The following SPDL1 variants were observed in gnomAD, a reference collection of about 807,000 sequenced individuals.
SPDL1 encodes the protein protein Spindly.
SPDL1 carries 85 observed loss-of-function variants against 79.5 expected under a neutral mutation model. The observed-to-expected ratio is 1.07, with a 90% CI of 0.90 to 1.28. The LOEUF is 1.28. SPDL1 is among the 50% of genes most tolerant of loss of function. SPDL1 has a pLI of 0.00. For synonymous variants in SPDL1, 269 were observed against 240.3 expected (o/e 1.12, Z -1.10); for missense variants, 703 against 697.8 (o/e 1.01, Z -0.08).
chr5:169,600,126 T>A (rs1039416736), intron 10 of SPDL1, among the ~76,000 whole-genome samples: 2 of 151,678 alleles, frequency 1.3e-5, no homozygotes, highest in African/African-American at 2.4e-5. Context: ...CCTAAAAGAG[T>A]GTTACATGTT....
rs1252177194 is a variant in SPDL1 at position 169,594,303 on chromosome 5, A to C, written c.681+9A>C. ...ACTATAATGCCCTAGAGGTACTATGATTACAGTAACATCATGTTTTCCAAT... is the reference window on the plus strand; with the variant it reads ...ACTATAATGCCCTAGAGGTACTATGCTTACAGTAACATCATGTTTTCCAAT... On this transcript the variant is annotated intron_variant, in intron 5 of 11. Transcript: ENST00000265295. 1 of 1,613,348 alleles carries C rather than the reference A, an allele frequency of 6.2e-7. No homozygotes were observed. The highest frequency in any genetic ancestry group is 1.7e-5 in the Admixed American group (1 of 59,874).
rs1261826121 is a variant in SPDL1 at position 169,597,531 on chromosome 5, A to C, written c.1032+830A>C. 2.6e-5 allele frequency among the ~76,000 whole-genome samples: 4 copies of C among 152,140 alleles called. No individual in the cohort carries two copies. The South Asian group carries it at 8.3e-4, about 32-fold the overall frequency. On this transcript the variant is annotated intron_variant, in intron 8 of 11. Coordinates refer to ENST00000265295, the MANE Select transcript of SPDL1 (RefSeq NM_017785.5). ...TTCCTCACTATACTTTTTATTTTTC[A>C]GTATTTTCCTGTCTATTTTTGAATG...
chr5:169,593,306 A>T, intron 3 of SPDL1, 48 bp from the exon 4 acceptor site: 1 of 1,474,820 alleles, frequency 6.8e-7, no homozygotes, highest in Non-Finnish European at 9.1e-7. Flanking sequence ...GATTGTTTTT[A>T]GAAAGAAAAT....
chr5:169,601,383 A>G lies in SPDL1; in HGVS notation c.1428A>G (p.Glu476=). 8 of 1,614,040 alleles carry G rather than the reference A, an allele frequency of 5.0e-6. No homozygotes were observed. Among genetic ancestry groups the G allele is most frequent in the Non-Finnish European group, 6.8e-6 (8 of 1,180,002 alleles). ...TCAACAACAGTGCTCTCGGGGGAGAAGTTTATCGATTACCGCCTCAGAAAG... is the reference window on the plus strand; with the variant it reads ...TCAACAACAGTGCTCTCGGGGGAGAGGTTTATCGATTACCGCCTCAGAAAG... ...ACVNNSALGG[E]VYRLPPQKEE... is the part of the protein sequence containing the mutation. The change falls in exon 11 of 12, where the codon GAA becomes GAG. Residue 476 remains glutamate (E), a synonymous_variant. Coordinates refer to ENST00000265295, the MANE Select transcript of SPDL1 (RefSeq NM_017785.5).
At position 169,601,268 on chromosome 5, in the gene SPDL1, T is replaced by G. The variant is rs773232003; in HGVS notation, c.1325-12T>G. On this transcript the variant is annotated splice_polypyrimidine_tract_variant and intron_variant, in intron 10 of 11. Coordinates refer to ENST00000265295, the MANE Select transcript of SPDL1 (RefSeq NM_017785.5). ...TAGATTTTTTCTTTTCCCCACTCGT[T>G]TTTATTCTCAGAGACAGTTGAAGTG... is the stretch of plus-strand genomic sequence containing the variant. The G allele has an allele frequency of 1.6e-5, 26 of 1,578,854 alleles. No individual in the cohort carries two copies. Among genetic ancestry groups the G allele is most frequent in the Non-Finnish European group, 2.1e-5 (25 of 1,165,758 alleles).
At chr5:169,601,793 CTA>C in intron 11 of SPDL1, 168 bp downstream of exon 11, 2 of 727,224 alleles carry the variant, frequency 2.8e-6, no homozygotes, top group Non-Finnish European at 4.9e-6. Context: ...TTAAGAAAGA[CTA>C]AACTGATTGC....
Position 169,588,407 on chromosome 5 carries a change from A to T in SPDL1, c.-10A>T, listed in dbSNP as rs1187772713. 1 of 1,590,250 alleles carries T rather than the reference A, an allele frequency of 6.3e-7. No individual in the cohort carries two copies. The highest frequency in any genetic ancestry group is 1.2e-5 in the South Asian group (1 of 86,264). On this transcript the variant is annotated 5_prime_UTR_variant, in exon 2 of 12. In the 5' UTR this introduces an upstream ATG that the reference lacks. Transcript: ENST00000265295. ...CTCTATTTACAGTTGGCTAAAAAAA[A>T]GAAAAGAACATGGAGGCAGATATAA...
intron 11 of SPDL1, among the ~76,000 whole-genome samples, chr5:169,603,762 G>A (rs1041988777): frequency 6.6e-6 from 1 of 152,126 alleles, no homozygotes. Context: ...GCTGAGGCAG[G>A]AGAATCGCTT....
chr5:169,598,495 A>C lies in SPDL1; in HGVS notation c.1052A>C (p.Glu351Ala), dbSNP rs143453400. The change falls in exon 9 of 12, where the codon GAA becomes GCA. Residue 351 changes from glutamate to alanine, a missense_variant. Physicochemically the swap from Glu to Ala is moderately radical, Grantham distance 107. Transcript: ENST00000265295. The part of the protein sequence containing the change: ...EKFKNLYDSM[E>A]SKPSVDSGTL... ...TTTAAGAATTTATATGACAGTATGG[A>C]ATCTAAGCCTTCAGTCGACTCTGGT... The C allele has an allele frequency of 6.2e-7, 1 of 1,611,962 alleles. No homozygotes were observed. The highest frequency in any genetic ancestry group is 1.1e-5 in the South Asian group (1 of 91,000).
intron 11 of SPDL1, among the ~76,000 whole-genome samples, chr5:169,602,350 A>G (rs912220163): frequency 1.3e-5 from 2 of 152,214 alleles, no homozygotes; most frequent in Admixed American, 1.3e-4. Flanking sequence ...GGAGAAGTGA[A>G]TGAGGAAATT....
Position 169,588,456 on chromosome 5 carries a change from A to C in SPDL1, c.40A>C (p.Lys14Gln), listed in dbSNP as rs760026633. ...DIITNLRCRL[K>Q]EAEEERLKAA... ...AATCACAAATCTTCGATGCAGGCTC[A>C]AAGAGGCTGAAGAAGAGCGACTAAA... is the stretch of plus-strand genomic sequence containing the variant. Residue 14 changes from lysine (K) to glutamine (Q), a missense_variant, in exon 2 of 12, where the codon AAA becomes CAA. Lys to Gln is a moderately conservative substitution (Grantham distance 53). Coordinates refer to ENST00000265295, the MANE Select transcript of SPDL1 (RefSeq NM_017785.5). The C allele has an allele frequency of 2.5e-6, 4 of 1,613,616 alleles. No individual in the cohort carries two copies. In the East Asian group the frequency reaches 8.9e-5, roughly 36 times the overall value.
Position 169,604,275 on chromosome 5 carries a change from T to C in SPDL1, c.*68T>C. The C allele has an allele frequency of 2.2e-6, 3 of 1,384,592 alleles. No individual in the cohort carries two copies. Among genetic ancestry groups the C allele is most frequent in the Non-Finnish European group, 2.9e-6 (3 of 1,036,270 alleles). The allele number at this position is 1,384,592 out of a possible 1,614,324, so 85.8% of individuals were successfully genotyped here. ...GTTACTATGGTGCTTAAGATTGTCT[T>C]GATCTGACATATATCACCTTCTGGG... On this transcript the variant is annotated 3_prime_UTR_variant, in exon 12 of 12. Coordinates refer to ENST00000265295, the MANE Select transcript of SPDL1 (RefSeq NM_017785.5).
intron 11 of SPDL1, 77 bp from the exon 12 acceptor site, chr5:169,603,983 C>G: frequency 6.8e-7 from 1 of 1,471,918 alleles, no homozygotes; most frequent in Non-Finnish European, 9.1e-7. Context: ...TATTGGAGGC[C>G]CATTATACTG....
chr5:169,601,360 A>G lies in SPDL1; in HGVS notation c.1405A>G (p.Asn469Asp), dbSNP rs1755872516. Residue 469 changes from asparagine (N) to aspartate (D), a missense_variant, in exon 11 of 12, where the codon AAC (asparagine) becomes GAC (aspartate). Physicochemically the swap from Asn to Asp is conservative, Grantham distance 23. Coordinates refer to ENST00000265295, the MANE Select transcript of SPDL1 (RefSeq NM_017785.5). ...AACCACCGCTAAAGATGCATGTGTC[A>G]ACAACAGTGCTCTCGGGGGAGAAGT... ...DITTAKDACV[N>D]NSALGGEVYR... 1 of 1,613,780 alleles carries G rather than the reference A, an allele frequency of 6.2e-7. No individual in the cohort carries two copies. The highest frequency in any genetic ancestry group is 1.1e-5 in the South Asian group (1 of 91,044).
intron 1 of SPDL1, 126 bp downstream of exon 1, chr5:169,584,015 C>G (rs1754842806): frequency 6.6e-6 from 1 of 152,396 alleles, no homozygotes; most frequent in Admixed American, 6.5e-5. Context: ...TCTCCTTCCC[C>G]GGAACCCTGG....
intron 7 of SPDL1, chr5:169,595,287 C>G (rs1281496592): frequency 1.3e-5 from 2 of 152,206 alleles, no homozygotes; most frequent in African/African-American, 4.8e-5. Context: ...CCTCACTCTA[C>G]TGAGGTAGTA....
chr5:169,603,541 T>G (rs1756038761), intron 11 of SPDL1, among the ~76,000 whole-genome samples: 1 of 152,188 alleles, frequency 6.6e-6, no homozygotes, highest in South Asian at 2.1e-4. Flanking sequence ...GCCATGACTT[T>G]TTAAAGATAT....
At chr5:169,589,692 T>A (rs1755172409) in intron 2 of SPDL1, among the ~76,000 whole-genome samples, 2 of 151,600 alleles carry the variant, frequency 1.3e-5, no homozygotes, top group Admixed American at 1.3e-4. Context: ...CTGATTCACT[T>A]TTTTTTTCTT....
intron 7 of SPDL1, chr5:169,595,827 A>G (rs1755555259): frequency 6.6e-6 from 1 of 152,198 alleles, no homozygotes; most frequent in Non-Finnish European, 1.5e-5. Flanking sequence ...AACAGGAACA[A>G]AAAGGATATC....
Sources: gnomAD v4.1 joint callset for allele counts (sites outside exome capture counted in the v4.1 genomes callset) on GRCh38, gnomAD v4.1.1 for gene constraint, MANE v1.5 for transcripts, NCBI Gene and HGNC (gene_info 2026-07-23, HGNC 2026-07-21) for gene names.